The following KIAA1328 variants were observed in gnomAD, a reference collection of about 807,000 sequenced individuals.
KIAA1328 encodes protein hinderin.
KIAA1328 carries 52 observed loss-of-function variants against 68.1 expected under a neutral mutation model. The observed-to-expected ratio is 0.76, with a 90% CI of 0.61 to 0.96. The LOEUF is 0.96. Among genes scored for constraint, KIAA1328 ranks in the 40% least tolerant of loss-of-function variants. The pLI, the probability that KIAA1328 is intolerant of heterozygous loss-of-function variation, is 0.00. For synonymous variants in KIAA1328, 232 were observed against 239.4 expected, an observed-to-expected ratio of 0.97 and a Z score of 0.28; for missense variants, 641 against 677.6, an observed-to-expected ratio of 0.95 and a Z score of 0.60.
intron 7 of KIAA1328, among the ~76,000 whole-genome samples, chr18:37,083,377 A>G (rs1220166785): frequency 6.6e-6 from 1 of 152,218 alleles, no homozygotes; most frequent in African/African-American, 2.4e-5. Context: ...GATGAAAATG[A>G]CAATATTGTT....
intron 7 of KIAA1328, among the ~76,000 whole-genome samples, chr18:37,074,326 T>C (rs547221694): frequency 6.6e-6 from 1 of 152,270 alleles, no homozygotes; most frequent in African/African-American, 2.4e-5. Flanking sequence ...TTTCTCACCT[T>C]TTACAGTATT....
chr18:37,067,464 T>C lies in KIAA1328; in HGVS notation c.1151T>C (p.Leu384Pro). The change falls in exon 7 of 10, where the codon CTT (leucine) becomes CCT (proline). Residue 384 changes from leucine to proline, a missense_variant. By Grantham distance (98) the Leu-to-Pro change is moderately conservative. Transcript: ENST00000280020. The stretch of plus-strand genomic sequence containing the variant: ...GAACTGGAAATTGAAAAGGAGCGCC[T>C]TCAGCATCTGCTGGCCCAGCAGGAG... Reference protein sequence around the residue: ...KMELEIEKERLQHLLAQQETK... With the variant: ...KMELEIEKERPQHLLAQQETK... 2 of 1,565,186 alleles carry C rather than the reference T, an allele frequency of 1.3e-6. No homozygotes were observed. The highest frequency in any genetic ancestry group is 8.7e-7 in the Non-Finnish European group (1 of 1,155,852).
intron 5 of KIAA1328, among the ~76,000 whole-genome samples, chr18:36,945,826 A>G (rs1409173125): frequency 6.6e-6 from 1 of 151,910 alleles, no homozygotes; most frequent in African/African-American, 2.4e-5. Flanking sequence ...CTTCTCATGG[A>G]CTCTTCCCCC....
chr18:37,109,167 C>A (rs2057859278), intron 7 of KIAA1328, among the ~76,000 whole-genome samples: 1 of 152,182 alleles, frequency 6.6e-6, no homozygotes. Flanking sequence ...TTGTCTTAAT[C>A]CAGTCTATCA....
intron 6 of KIAA1328, among the ~76,000 whole-genome samples, chr18:37,011,018 C>A (rs1291124806): frequency 2.0e-5 from 3 of 152,164 alleles, no homozygotes; most frequent in Middle Eastern, 3.4e-3. Context: ...TACAAGTAGC[C>A]ATTTGTGAGA....
intron 5 of KIAA1328, among the ~76,000 whole-genome samples, chr18:36,949,600 C>CA (rs1337716928): frequency 9.2e-6 from 1 of 108,702 alleles, no homozygotes; most frequent in East Asian, 4.2e-4. Flanking sequence ...ACCCAGCTCC[C>CA]CCCCCCCCAC....
chr18:37,058,248 C>T (rs986339869), intron 6 of KIAA1328, among the ~76,000 whole-genome samples: 3 of 152,112 alleles, frequency 2.0e-5, no homozygotes, highest in African/African-American at 7.2e-5. Flanking sequence ...GAGACCCCTT[C>T]CTCGTTGTTG....
At chr18:36,897,259 A>ATTTT (rs2048895251) in intron 5 of KIAA1328, among the ~76,000 whole-genome samples, 1 of 152,054 alleles carries the variant, frequency 6.6e-6, no homozygotes. Context: ...GCAGAGCCAA[A>ATTTT]TGGAGAAAGA....
In KIAA1328 at chr18:37,013,178, G is replaced by A. The variant is rs2054034652; in HGVS notation, c.577-53712G>A. On this transcript the variant is annotated intron_variant, in intron 6 of 9. Transcript: ENST00000280020. ...CCTGTGGACTTTCAGAGACAGGATA[G>A]GGTAGCAAGGCACTAGTATTTGGAA... 2.6e-5 allele frequency among the ~76,000 whole-genome samples: 4 copies of A among 152,090 alleles called. No individual in the cohort carries two copies. The South Asian group carries it at 8.3e-4, about 32-fold the overall frequency.
chr18:37,017,276 T>C (rs964436287), intron 6 of KIAA1328, among the ~76,000 whole-genome samples: 6 of 152,042 alleles, frequency 3.9e-5, no homozygotes, highest in Non-Finnish European at 7.4e-5. Context: ...TTTTCAGAGG[T>C]CTTCTGATAT....
intron 6 of KIAA1328, among the ~76,000 whole-genome samples, chr18:37,034,675 T>C (rs2054959274): frequency 6.6e-6 from 1 of 152,230 alleles, no homozygotes; most frequent in Non-Finnish European, 1.5e-5. Flanking sequence ...TATCTATTAA[T>C]ACTCTTAAAT....
intron 8 of KIAA1328, among the ~76,000 whole-genome samples, chr18:37,171,593 A>T (rs1197094818): frequency 2.0e-5 from 3 of 152,084 alleles, no homozygotes; most frequent in Non-Finnish European, 4.4e-5. Context: ...ACTAAGCCTG[A>T]GCTTAATCCT....
intron 5 of KIAA1328, among the ~76,000 whole-genome samples, chr18:36,901,340 A>G (rs941756448): frequency 1.6e-4 from 24 of 152,170 alleles, no homozygotes; most frequent in African/African-American, 5.8e-4. Flanking sequence ...GTCAAATGTG[A>G]CAGCAGAACT....
At chr18:36,930,111 A>G (rs1598741429) in intron 5 of KIAA1328, among the ~76,000 whole-genome samples, 1 of 152,240 alleles carries the variant, frequency 6.6e-6, no homozygotes. Context: ...GACAGTACAT[A>G]CTTCTCTTGT....
At chr18:36,968,525 CA>C (rs112011042) in intron 6 of KIAA1328, among the ~76,000 whole-genome samples, 22,794 of 151,986 alleles carry the variant, frequency 0.15, 1,817 homozygotes, top group African/African-American at 0.18. Context: ...AAACAAAGAT[CA>C]AAAAAGACAA....
At chr18:36,940,250 G>A (rs932838541) in intron 5 of KIAA1328, among the ~76,000 whole-genome samples, 2 of 152,146 alleles carry the variant, frequency 1.3e-5, no homozygotes, top group Non-Finnish European at 2.9e-5. Context: ...TAAGGTACAC[G>A]TTAATCACCT....
intron 5 of KIAA1328, among the ~76,000 whole-genome samples, chr18:36,903,145 T>G (rs1419408028): frequency 6.6e-6 from 1 of 152,116 alleles, no homozygotes; most frequent in Non-Finnish European, 1.5e-5. Context: ...ATTGCTTCAT[T>G]CCCAAATCAT....
At chr18:37,189,198 T>C (rs2059859038) in intron 9 of KIAA1328, among the ~76,000 whole-genome samples, 1 of 152,240 alleles carries the variant, frequency 6.6e-6, no homozygotes, top group East Asian at 1.9e-4. Flanking sequence ...TTCTTGATTG[T>C]AACACAAGAT....
At chr18:36,904,034 A>G (rs779708243) in intron 5 of KIAA1328, among the ~76,000 whole-genome samples, 7 of 152,160 alleles carry the variant, frequency 4.6e-5, no homozygotes, top group Non-Finnish European at 1.0e-4. Flanking sequence ...GGAAAAAACA[A>G]TGTAAAAGAC....
Sources: gnomAD v4.1 joint callset for allele counts (sites outside exome capture counted in the v4.1 genomes callset) on GRCh38, gnomAD v4.1.1 for gene constraint, MANE v1.5 for transcripts, NCBI Gene and HGNC (gene_info 2026-07-23, HGNC 2026-07-21) for gene names.